Variants in FBXO25 observed in about 807,000 individuals in gnomAD.
The protein encoded by FBXO25 is F-box only protein 25.
A neutral mutation model predicts 51.9 loss-of-function variants in FBXO25; 45 were observed. That is an observed-to-expected ratio of 0.87 (90% confidence interval 0.68 to 1.11). The LOEUF is 1.11. FBXO25 is among the 50% of genes most tolerant of loss of function. FBXO25 has a pLI of 0.00. For missense variants in FBXO25, 507 were observed against 428.5 expected (o/e 1.18, Z -1.62); for synonymous variants, 199 against 151.0 (o/e 1.32, Z -2.33).
At chr8:409,148 C>T (rs1014704011) in intron 1 of FBXO25, among the ~76,000 whole-genome samples, 3 of 152,140 alleles carry the variant, frequency 2.0e-5, no homozygotes, top group Admixed American at 2.0e-4. Context: ...ATCCAGACCC[C>T]AGACGTTTTA....
chr8:446,835 A>C (rs575245445), intron 5 of FBXO25, among the ~76,000 whole-genome samples: 1 of 152,148 alleles, frequency 6.6e-6, no homozygotes, highest in African/African-American at 2.4e-5. Context: ...TAATTGTCAC[A>C]TTTATAATGT....
intron 2 of FBXO25, among the ~76,000 whole-genome samples, chr8:422,432 C>T (rs1029805163): frequency 6.6e-6 from 1 of 152,198 alleles, no homozygotes; most frequent in Non-Finnish European, 1.5e-5. Flanking sequence ...CATGGGGGGC[C>T]ATGGTAGTGT....
At chr8:413,582 A>G (rs1300497146) in intron 2 of FBXO25, among the ~76,000 whole-genome samples, 4 of 152,168 alleles carry the variant, frequency 2.6e-5, no homozygotes, top group African/African-American at 9.6e-5. Flanking sequence ...TTCTCCCTTG[A>G]AAGCCTGAGT....
chr8:420,881 G>T (rs1221856690), intron 2 of FBXO25, among the ~76,000 whole-genome samples: 1 of 152,224 alleles, frequency 6.6e-6, no homozygotes, highest in Non-Finnish European at 1.5e-5. Flanking sequence ...ATGGAACTGT[G>T]CACCACAGAA....
At chr8:433,830 G>A (rs1026931765) in intron 4 of FBXO25, among the ~76,000 whole-genome samples, 7 of 152,298 alleles carry the variant, frequency 4.6e-5, no homozygotes, top group Non-Finnish European at 8.8e-5. Context: ...TAGATTCTGA[G>A]AAAGAAAACT....
rs528441650 is a variant in FBXO25 at position 423,141 on chromosome 8, A to G, written c.135-8200A>G. Among the ~76,000 whole-genome samples, 227 of 150,544 alleles carry G rather than the reference A, an allele frequency of 1.5e-3. 1 individual carries two copies. Among genetic ancestry groups the G allele is most frequent in the African/African-American group, 5.2e-3 (214 of 40,958 alleles). On this transcript the variant is annotated intron_variant, in intron 2 of 9. Coordinates refer to ENST00000350302, the MANE Select transcript of FBXO25 (RefSeq NM_183420.2). ...TTCCCATACTAAATTTCCATGGGCA[A>G]TTGGGACTACAGGGTTTTCTCTCTG...
intron 7 of FBXO25, among the ~76,000 whole-genome samples, chr8:453,921 C>G (rs530894083): frequency 1.3e-5 from 2 of 152,100 alleles, no homozygotes; most frequent in East Asian, 1.9e-4. Flanking sequence ...GTCAGGAGTT[C>G]GAGACCAGCC....
At chr8:463,437 C>G (rs962002817) in intron 9 of FBXO25, among the ~76,000 whole-genome samples, 10 of 152,190 alleles carry the variant, frequency 6.6e-5, no homozygotes, top group South Asian at 2.1e-4. Flanking sequence ...GGCAGCAGCT[C>G]CAGATTCCCT....
At chr8:433,212 G>A (rs1797917945) in intron 4 of FBXO25, among the ~76,000 whole-genome samples, 1 of 152,154 alleles carries the variant, frequency 6.6e-6, no homozygotes, top group African/African-American at 2.4e-5. Flanking sequence ...TATATATGGT[G>A]TGTATGTATG....
rs754469354 is a variant in FBXO25, at chr8:463,089, C to T, written c.926C>T (p.Ala309Val). The stretch of plus-strand genomic sequence containing the variant: ...TTTGCACTTCAGAAACATTACCCAG[C>T]GAAGGAGCAGTACGGAGACACACTG... ...MYFALQKHYP[A>V]KEQYGDTLHF... Residue 309 changes from alanine to valine, a missense_variant, in exon 9 of 10, where the codon GCG becomes GTG. Physicochemically the swap from Ala to Val is moderately conservative, Grantham distance 64. Transcript: ENST00000350302. The T allele has an allele frequency of 8.7e-6, 14 of 1,613,928 alleles. No individual in the cohort carries two copies. The East Asian group carries it at 8.9e-5, about 10-fold the overall frequency.
chr8:457,906 AC>A (rs1379424381), intron 7 of FBXO25, among the ~76,000 whole-genome samples: 1 of 152,204 alleles, frequency 6.6e-6, no homozygotes, highest in Non-Finnish European at 1.5e-5. Flanking sequence ...ACCAGCTGTG[AC>A]CCATAAAGGC....
rs111466889 is a variant in FBXO25, at chr8:468,940, T to C, written c.*136T>C. 5,097 of 721,046 alleles carry C rather than the reference T, an allele frequency of 7.1e-3. 23 individuals carry two copies. The highest frequency in any genetic ancestry group is 9.9e-3 in the Non-Finnish European group (4,409 of 447,486). 44.7% of individuals were successfully genotyped at this position (721,046 alleles called of 1,614,324 possible). ...GAAAGCCTGGGAAGAACTGCCCTTC[T>C]GCAAAGGGGGGACTGCATGGTTGCA... On this transcript the variant is annotated 3_prime_UTR_variant, in exon 10 of 10. Coordinates refer to ENST00000350302, the MANE Select transcript of FBXO25 (RefSeq NM_183420.2).
In FBXO25 at chr8:471,480, T is replaced by C. The variant is rs1800481735; in HGVS notation, c.*2676T>C. The C allele has an allele frequency of 6.6e-6, 1 of 152,208 alleles. No homozygotes were observed. The highest frequency in any genetic ancestry group is 1.5e-5 in the Non-Finnish European group (1 of 68,032). The allele number at this position is 152,208 out of a possible 1,614,324, so 9.4% of individuals were successfully genotyped here. A position where few individuals can be genotyped will look rare whatever the true frequency, so the allele number is the denominator to read the frequency against. Reference sequence around the variant, plus strand: ...GCCACTCCTGTGAGATTAAGTTACATTCTGATGCCTTCATTACAATGAAGT... The same window carrying C: ...GCCACTCCTGTGAGATTAAGTTACACTCTGATGCCTTCATTACAATGAAGT... On this transcript the variant is annotated 3_prime_UTR_variant, in exon 10 of 10. Transcript: ENST00000350302.
At chr8:438,150 G>C (rs1239074866) in intron 5 of FBXO25, among the ~76,000 whole-genome samples, 1 of 151,836 alleles carries the variant, frequency 6.6e-6, no homozygotes, top group Admixed American at 6.6e-5. Flanking sequence ...TGATTCCTGG[G>C]TTCCAGTGAT....
intron 2 of FBXO25, among the ~76,000 whole-genome samples, chr8:427,869 CTT>C (rs2117579756): frequency 6.6e-6 from 1 of 151,616 alleles, no homozygotes; most frequent in East Asian, 1.9e-4. Context: ...TTTTCCTAGA[CTT>C]GTGTGGAAAT....
intron 5 of FBXO25, among the ~76,000 whole-genome samples, chr8:446,031 C>A (rs1798717634): frequency 6.6e-6 from 1 of 152,092 alleles, no homozygotes; most frequent in African/African-American, 2.4e-5. Flanking sequence ...TTGGCACACC[C>A]TCCTGGTGTC....
chr8:435,520 T>C, intron 4 of FBXO25, 95 bp from the exon 5 acceptor site: 1 of 1,273,610 alleles, frequency 7.9e-7, no homozygotes. Context: ...AATTGTCCTT[T>C]GCCAAAAATT....
chr8:442,467 A>AT (rs1798486884), intron 5 of FBXO25, among the ~76,000 whole-genome samples: 1 of 151,766 alleles, frequency 6.6e-6, no homozygotes, highest in Non-Finnish European at 1.5e-5. Flanking sequence ...TTTCCACTTT[A>AT]GTTTTTTATT....
chr8:435,172 C>T (rs1344507910), intron 4 of FBXO25, among the ~76,000 whole-genome samples: 1 of 152,176 alleles, frequency 6.6e-6, no homozygotes, highest in Non-Finnish European at 1.5e-5. Flanking sequence ...CATGCCTCCC[C>T]TGCAGAGAAA....
Sources: allele counts gnomAD v4.1 joint callset (sites outside exome capture counted in the v4.1 genomes callset), GRCh38; gene constraint gnomAD v4.1.1; transcripts MANE v1.5; gene names NCBI Gene and HGNC (gene_info 2026-07-23, HGNC 2026-07-21).